ATP9A: variants seen among roughly 807,000 people sequenced by gnomAD.
The protein encoded by ATP9A is ATPase phospholipid transporting 9A, also known as probable phospholipid-transporting ATPase IIA.
In ATP9A, 52 loss-of-function variants were observed where a neutral mutation model predicts 144.1. The ratio of observed to expected loss-of-function variants is 0.36; its 90% CI spans 0.29 to 0.45. The LOEUF (loss-of-function observed/expected upper bound fraction) is 0.45. Among genes scored for constraint, ATP9A ranks in the 20% least tolerant of loss-of-function variants. The pLI, the probability that ATP9A is intolerant of heterozygous loss-of-function variation, is 1.00. For synonymous variants in ATP9A, 582 were observed against 557.4 expected (o/e 1.04, Z -0.62); for missense variants, 947 against 1,392.7 (o/e 0.68, Z 5.09).
chr20:51,753,454 A>AAACAACAACAAC (rs11472926), intron 1 of ATP9A, among the ~76,000 whole-genome samples: 2 of 149,190 alleles, frequency 1.3e-5, no homozygotes, highest in South Asian at 2.1e-4. Flanking sequence ...CCGTCTCAAA[A>AAACAACAACAAC]AACAACAACA....
intron 1 of ATP9A, among the ~76,000 whole-genome samples, chr20:51,765,516 T>A (rs1292559101): frequency 6.7e-6 from 1 of 149,500 alleles, no homozygotes; most frequent in Non-Finnish European, 1.5e-5. Context: ...TTGCCGGGCA[T>A]GGTGCATGCC....
At chr20:51,708,742 T>G (rs1286618817) in intron 4 of ATP9A, among the ~76,000 whole-genome samples, 1 of 151,940 alleles carries the variant, frequency 6.6e-6, no homozygotes, top group Non-Finnish European at 1.5e-5. Flanking sequence ...TCTCAATAAA[T>G]AAACAAATAA....
At chr20:51,602,394 G>T (rs183702279) in intron 27 of ATP9A, among the ~76,000 whole-genome samples, 1 of 152,300 alleles carries the variant, frequency 6.6e-6, no homozygotes, top group Admixed American at 6.5e-5. Context: ...CTACACCTCT[G>T]ACCCGGTCCT....
intron 1 of ATP9A, among the ~76,000 whole-genome samples, chr20:51,738,857 T>G (rs1398361489): frequency 6.6e-6 from 1 of 151,760 alleles, no homozygotes; most frequent in East Asian, 1.9e-4. Flanking sequence ...CCAAGGCGGG[T>G]AGATCACTTG....
intron 15 of ATP9A, among the ~76,000 whole-genome samples, chr20:51,632,923 G>A (rs557411268): frequency 5.9e-5 from 9 of 152,216 alleles, no homozygotes; most frequent in Admixed American, 4.6e-4. Context: ...AGGAGTTCGA[G>A]ACCAGCCTGC....
chr20:51,678,059 G>A (rs2077484396), intron 9 of ATP9A, among the ~76,000 whole-genome samples: 1 of 140,302 alleles, frequency 7.1e-6, no homozygotes, highest in African/African-American at 2.5e-5. Flanking sequence ...CAAGAAACAC[G>A]GCATCACAGG....
At chr20:51,622,836 G>C (rs1306787680) in intron 18 of ATP9A, among the ~76,000 whole-genome samples, 1 of 152,092 alleles carries the variant, frequency 6.6e-6, no homozygotes, top group Non-Finnish European at 1.5e-5. Context: ...TAACCCTTTT[G>C]TTCTCTTTGC....
At chr20:51,756,883 C>T (rs374385040) in intron 1 of ATP9A, among the ~76,000 whole-genome samples, 86 of 152,232 alleles carry the variant, frequency 5.6e-4, no homozygotes, top group African/African-American at 2.0e-3. Flanking sequence ...AATTTCTCAT[C>T]CAACAGGTGT....
chr20:51,637,076 G>A (rs2077295335), intron 15 of ATP9A, among the ~76,000 whole-genome samples: 1 of 152,146 alleles, frequency 6.6e-6, no homozygotes, highest in African/African-American at 2.4e-5. Context: ...GAGTGACAGA[G>A]TGAAACTGTG....
intron 27 of ATP9A, among the ~76,000 whole-genome samples, chr20:51,601,845 T>A (rs905532680): frequency 3.9e-5 from 6 of 152,002 alleles, no homozygotes; most frequent in Non-Finnish European, 8.8e-5. Context: ...AGCTTGAGAC[T>A]GCAGTGAGCC....
At chr20:51,708,079 T>C (rs1320443041) in intron 4 of ATP9A, among the ~76,000 whole-genome samples, 2 of 152,090 alleles carry the variant, frequency 1.3e-5, no homozygotes, top group Non-Finnish European at 2.9e-5. Context: ...AGATAGCTAA[T>C]TTGATTATCA....
At chr20:51,612,135 G>C (rs958043999) in intron 23 of ATP9A, among the ~76,000 whole-genome samples, 3 of 151,814 alleles carry the variant, frequency 2.0e-5, no homozygotes, top group African/African-American at 7.3e-5. Flanking sequence ...CCCTGTCCGA[G>C]GGCAAGGAGG....
chr20:51,711,838 AAATTTC>A (rs2077639949), intron 4 of ATP9A, among the ~76,000 whole-genome samples: 2 of 149,724 alleles, frequency 1.3e-5, no homozygotes, highest in African/African-American at 4.9e-5. Flanking sequence ...AATATTATTA[AAATTTC>A]AATTTCAATT....
chr20:51,606,875 G>A (rs933932870), intron 26 of ATP9A, among the ~76,000 whole-genome samples: 15 of 151,406 alleles, frequency 9.9e-5, no homozygotes, highest in Non-Finnish European at 2.9e-5. Flanking sequence ...GAGACCCTCC[G>A]CCACCCAGGG....
At chr20:51,617,042 G>C (rs6013233) in intron 22 of ATP9A, among the ~76,000 whole-genome samples, 1 of 150,688 alleles carries the variant, frequency 6.6e-6, no homozygotes, top group Non-Finnish European at 1.5e-5. Flanking sequence ...CCCGGGTTCA[G>C]GCGATTCTCC....
chr20:51,764,786 A>G (rs2077896387), intron 1 of ATP9A, among the ~76,000 whole-genome samples: 1 of 151,976 alleles, frequency 6.6e-6, no homozygotes, highest in African/African-American at 2.4e-5. Flanking sequence ...CAGTGGTACA[A>G]TCCTGACTCA....
chr20:51,750,574 G>C (rs1263161570), intron 1 of ATP9A, among the ~76,000 whole-genome samples: 2 of 152,210 alleles, frequency 1.3e-5, no homozygotes, highest in African/African-American at 4.8e-5. Flanking sequence ...CTGAGTGTGT[G>C]CCAAGCGCTG....
chr20:51,629,099 G>T, intron 15 of ATP9A, 27 bp from the exon 16 acceptor site: 1 of 1,574,194 alleles, frequency 6.4e-7, no homozygotes, highest in Non-Finnish European at 8.7e-7. Flanking sequence ...GAAGGAATGA[G>T]AAACTGAAAG....
At chr20:51,687,729 A>T (rs1462766113) in intron 9 of ATP9A, among the ~76,000 whole-genome samples, 2 of 151,432 alleles carry the variant, frequency 1.3e-5, no homozygotes, top group Non-Finnish European at 2.9e-5. Context: ...GCACCCCTGC[A>T]CTCCAGCCTG....
Sources: gnomAD v4.1 joint callset for allele counts (sites outside exome capture counted in the v4.1 genomes callset) on GRCh38, gnomAD v4.1.1 for gene constraint, MANE v1.5 for transcripts, NCBI Gene and HGNC (gene_info 2026-07-23, HGNC 2026-07-21) for gene names.